The following ARHGAP10 variants were observed in gnomAD, a reference collection of about 807,000 sequenced individuals.
ARHGAP10 encodes rho GTPase-activating protein 10.
ARHGAP10 carries 87 observed loss-of-function variants against 108.6 expected under a neutral mutation model. The ratio of observed to expected loss-of-function variants is 0.80; its 90% confidence interval spans 0.67 to 0.96. The LOEUF is 0.96. Among genes scored for constraint, ARHGAP10 ranks in the 40% least tolerant of loss-of-function variants. ARHGAP10 has a pLI of 0.00. For synonymous variants in ARHGAP10, 347 were observed against 341.1 expected (o/e 1.02, Z -0.19); for missense variants, 939 against 954.5 (o/e 0.98, Z 0.21).
chr4:148,072,216 A>G lies in ARHGAP10; in HGVS notation c.*135A>G. The G allele has an allele frequency of 7.5e-6, 3 of 399,446 alleles. No individual in the cohort carries two copies. The highest frequency in any genetic ancestry group is 1.4e-5 in the Non-Finnish European group (3 of 219,310). The allele number at this position is 399,446 out of a possible 1,614,324, so 24.7% of individuals were successfully genotyped here. On this transcript the variant is annotated 3_prime_UTR_variant, in exon 23 of 23. Coordinates refer to ENST00000336498, the MANE Select transcript of ARHGAP10 (RefSeq NM_024605.4). Reference sequence around the variant, plus strand: ...CTTGGGAGTTACCATCATCACAGTCAGCCCTGGGGGTGGGGGGTGGTGGGC... The same window carrying G: ...CTTGGGAGTTACCATCATCACAGTCGGCCCTGGGGGTGGGGGGTGGTGGGC...
intron 13 of ARHGAP10, among the ~76,000 whole-genome samples, chr4:147,921,795 C>G (rs1049302128): frequency 1.3e-5 from 2 of 152,190 alleles, no homozygotes; most frequent in Non-Finnish European, 2.9e-5. Context: ...TGTGTGACAT[C>G]TGGCTTCTGG....
chr4:147,743,182 C>T (rs1409086768), intron 1 of ARHGAP10, among the ~76,000 whole-genome samples: 1 of 151,712 alleles, frequency 6.6e-6, no homozygotes, highest in East Asian at 2.0e-4. Flanking sequence ...TACAGGCGTG[C>T]ACCACCATGC....
intron 13 of ARHGAP10, among the ~76,000 whole-genome samples, chr4:147,914,837 A>G (rs1480623055): frequency 6.6e-6 from 1 of 152,044 alleles, no homozygotes; most frequent in African/African-American, 2.4e-5. Flanking sequence ...CTGACCAATA[A>G]CCCAAAACAT....
chr4:147,795,212 C>T (rs920978840), intron 1 of ARHGAP10, among the ~76,000 whole-genome samples: 12 of 152,186 alleles, frequency 7.9e-5, no homozygotes, highest in South Asian at 6.2e-4. Context: ...CCTCCTGCAG[C>T]GCTGGGATTA....
At chr4:147,878,584 T>C (rs947969998) in intron 8 of ARHGAP10, among the ~76,000 whole-genome samples, 1 of 152,130 alleles carries the variant, frequency 6.6e-6, no homozygotes. Flanking sequence ...GGATGGAACT[T>C]TTGAAACCCT....
intron 20 of ARHGAP10, among the ~76,000 whole-genome samples, chr4:148,058,549 T>C (rs10857228): frequency 0.68 from 103,244 of 152,034 alleles, 36,130 homozygotes; most frequent in East Asian, 0.85. Context: ...CTCTGGTGAT[T>C]GGTGCAACTG....
intron 1 of ARHGAP10, among the ~76,000 whole-genome samples, chr4:147,792,446 C>G (rs1269613202): frequency 1.3e-5 from 2 of 152,128 alleles, no homozygotes; most frequent in African/African-American, 4.8e-5. Flanking sequence ...ATTCACAACC[C>G]ATTATTATCA....
At chr4:147,898,451 T>C (rs1736087376) in intron 10 of ARHGAP10, among the ~76,000 whole-genome samples, 1 of 152,110 alleles carries the variant, frequency 6.6e-6, no homozygotes. Context: ...TTTAAATAAT[T>C]TTTATGATTT....
In ARHGAP10 at chr4:147,912,548, AATATATATATATATATATATAT is replaced by A. The variant is rs59663731; in HGVS notation, c.1163-496_1163-475del. 9.7e-3 allele frequency among the ~76,000 whole-genome samples: 1,171 copies of A among 120,326 alleles called. 43 individuals carry two copies. The highest frequency in any genetic ancestry group is 0.036 in the South Asian group (144 of 4,044). The allele number at this position is 120,326 out of a possible 152,430, so 78.9% of individuals were successfully genotyped here. On this transcript the variant is annotated intron_variant, in intron 12 of 22. Coordinates refer to ENST00000336498, the MANE Select transcript of ARHGAP10 (RefSeq NM_024605.4). Reference sequence around the variant, plus strand: ...AAAACAAAAAACAAACAAACAAACAAATATATATATATATATATATATATATATATATATATATATATATATA... The same window carrying A: ...AAAACAAAAAACAAACAAACAAACAAATATATATATATATATATATATATA...
At chr4:147,897,384 T>A (rs1345360286) in intron 10 of ARHGAP10, among the ~76,000 whole-genome samples, 1 of 152,140 alleles carries the variant, frequency 6.6e-6, no homozygotes, top group Non-Finnish European at 1.5e-5. Flanking sequence ...ATTACAGGCA[T>A]GAGCCACTAT....
intron 19 of ARHGAP10, among the ~76,000 whole-genome samples, chr4:148,025,327 A>G (rs1741726367): frequency 6.7e-6 from 1 of 150,082 alleles, no homozygotes; most frequent in Non-Finnish European, 1.5e-5. Flanking sequence ...TTCATGAAGT[A>G]TTTTATAGCT....
At position 148,072,156 on chromosome 4, in the gene ARHGAP10, C is replaced by A; in HGVS notation, c.*75C>A. The A allele has an allele frequency of 2.2e-6, 3 of 1,386,772 alleles. No individual in the cohort carries two copies. The highest frequency in any genetic ancestry group is 3.0e-6 in the Non-Finnish European group (3 of 1,006,366). The allele number at this position is 1,386,772 out of a possible 1,614,324, so 85.9% of individuals were successfully genotyped here. On this transcript the variant is annotated 3_prime_UTR_variant, in exon 23 of 23. Coordinates refer to ENST00000336498, the MANE Select transcript of ARHGAP10 (RefSeq NM_024605.4). The stretch of plus-strand genomic sequence containing the variant: ...GGGGCAGAGAGCTGTCTTCCTCCTC[C>A]GAGGCTCTGGGCTGCACCCACAGGT...
intron 1 of ARHGAP10, among the ~76,000 whole-genome samples, chr4:147,761,142 G>A (rs745569729): frequency 1.3e-5 from 2 of 151,110 alleles, no homozygotes. Context: ...TCAGCCTCCC[G>A]AGTAGTTGGG....
At position 147,918,678 on chromosome 4, in the gene ARHGAP10, G is replaced by A. The variant is rs28505256; in HGVS notation, c.1228+5539G>A. Among the ~76,000 whole-genome samples, 1,065 of 152,292 alleles carry A rather than the reference G, an allele frequency of 7.0e-3. 18 individuals are homozygous for A. Among genetic ancestry groups the A allele is most frequent in the African/African-American group, 0.024 (1,014 of 41,546 alleles). ...CCTACCTGGGGCACAGACCTATCAC[G>A]GCAGCTGTGAGGTTGAGTAAGCCAG... is the stretch of plus-strand genomic sequence containing the variant. On this transcript the variant is annotated intron_variant, in intron 13 of 22. Coordinates refer to ENST00000336498, the MANE Select transcript of ARHGAP10 (RefSeq NM_024605.4).
At chr4:148,000,225 G>T (rs1170484405) in intron 18 of ARHGAP10, among the ~76,000 whole-genome samples, 1 of 152,108 alleles carries the variant, frequency 6.6e-6, no homozygotes, top group South Asian at 2.1e-4. Flanking sequence ...ATGGTTTCCA[G>T]CTTCATCCAT....
chr4:147,732,162 G>C lies in ARHGAP10; in HGVS notation c.-140G>C, dbSNP rs992331772. 1 of 760,722 alleles carries C rather than the reference G, an allele frequency of 1.3e-6. No homozygotes were observed. 47.1% of individuals were successfully genotyped at this position (760,722 alleles called of 1,614,324 possible). On this transcript the variant is annotated 5_prime_UTR_variant, in exon 1 of 23. Coordinates refer to ENST00000336498, the MANE Select transcript of ARHGAP10 (RefSeq NM_024605.4). ...GGACTCGGCTCTACGGGACATGTCC[G>C]TGCCGCGCTCGCCGCGCGCCCGGGC...
intron 19 of ARHGAP10, among the ~76,000 whole-genome samples, chr4:148,031,482 A>C (rs1476810330): frequency 6.6e-6 from 1 of 152,170 alleles, no homozygotes; most frequent in Non-Finnish European, 1.5e-5. Context: ...CAAAGCTAGG[A>C]TGGAACCCAG....
At chr4:148,045,315 C>T (rs952670331) in intron 19 of ARHGAP10, among the ~76,000 whole-genome samples, 2 of 152,166 alleles carry the variant, frequency 1.3e-5, no homozygotes, top group Admixed American at 1.3e-4. Context: ...TCTCTCTTAA[C>T]CCTTAGTTGT....
intron 20 of ARHGAP10, among the ~76,000 whole-genome samples, chr4:148,061,813 A>G (rs911746552): frequency 2.0e-5 from 3 of 152,210 alleles, no homozygotes; most frequent in Non-Finnish European, 4.4e-5. Context: ...AGATCTGGAA[A>G]AAGAGTTAAA....
Sources: allele counts gnomAD v4.1 joint callset (sites outside exome capture counted in the v4.1 genomes callset), GRCh38; gene constraint gnomAD v4.1.1; transcripts MANE v1.5; gene names NCBI Gene and HGNC (gene_info 2026-07-23, HGNC 2026-07-21).